Variants in PTX4 observed in about 807,000 individuals in gnomAD.
The protein encoded by PTX4 is pentraxin 4, also known as pentraxin-4.
A neutral mutation model predicts 19.1 loss-of-function variants in PTX4; 23 were observed. The ratio of observed to expected loss-of-function variants is 1.20; its 90% CI spans 0.87 to 1.70. PTX4 has a LOEUF of 1.70. Among genes scored for constraint, PTX4 ranks in the 40% most tolerant of loss-of-function variants. The probability of loss-of-function intolerance (pLI) is 0.00; values close to 1 mark genes in which losing one functional copy is unlikely to be tolerated. For missense variants in PTX4, 678 were observed against 610.5 expected (o/e 1.11, Z -1.17); for synonymous variants, 317 against 279.6 (o/e 1.13, Z -1.33).
At chr16:1,486,777 C>A (rs902311147) in intron 2 of PTX4, among the ~76,000 whole-genome samples, 198 bp from the exon 3 acceptor site, 1 of 152,184 alleles carries the variant, frequency 6.6e-6, no homozygotes, top group African/African-American at 2.4e-5. Flanking sequence ...GTTCCACAGG[C>A]GGGAAGACTG....
At position 1,486,474 on chromosome 16, in the gene PTX4, C is replaced by CT. The variant is rs2039247366; in HGVS notation, c.901dup (p.Ser301LysfsTer22). The CT allele has an allele frequency of 6.2e-7, 1 of 1,613,100 alleles. No individual in the cohort carries two copies. Among genetic ancestry groups the CT allele is most frequent in the African/African-American group, 1.3e-5 (1 of 74,910 alleles). ...GCGGCCGGAGGCCGTGCGGACCCAG[C>CT]TGCAGAAGGACAGGGCTCGCAGGGC... On this transcript the variant is annotated frameshift_variant, in exon 3 of 3. Transcript: ENST00000447419. LOFTEE classifies it low-confidence loss of function (END_TRUNC).
intron 2 of PTX4, 32 bp from the exon 3 acceptor site, chr16:1,486,611 GC>G (rs2039248939): frequency 6.6e-7 from 1 of 1,518,282 alleles, no homozygotes; most frequent in African/African-American, 1.4e-5. Context: ...TCAACCCCTT[GC>G]AGGAGGCCGA....
Position 1,487,705 on chromosome 16 carries a change from C to T in PTX4, c.407G>A (p.Arg136Gln), listed in dbSNP as rs776487931. ...DLTLGERSQQ[R>Q]ARERKAHKAQ... ...CTTGTGTGCCTTCCTTTCCCGGGCC[C>T]GCTGCTGGCTCCTCTCGCCCAGGGT... Residue 136 changes from arginine to glutamine, a missense_variant, in exon 2 of 3, where the codon CGG becomes CAG. Arg to Gln is a conservative substitution (Grantham distance 43). Coordinates refer to ENST00000447419, the MANE Select transcript of PTX4 (RefSeq NM_001328608.2). 180 of 1,611,494 alleles carry T rather than the reference C, an allele frequency of 1.1e-4. 4 individuals carry two copies. The South Asian group carries it at 1.7e-3, about 15-fold the overall frequency.
chr16:1,487,510 G>C lies in PTX4; in HGVS notation c.602C>G (p.Pro201Arg). The change falls in exon 2 of 3, where the codon CCG becomes CGG. Residue 201 changes from proline to arginine, a missense_variant. Transcript: ENST00000447419. The part of the protein sequence containing the change: ...PTPTQPEELG[P>R]TSLKLQRDRQ... The stretch of plus-strand genomic sequence containing the variant: ...GTCCCTCTGAAGCTTCAGGGAGGTC[G>C]GGCCCAGCTCCTCAGGCTGGGTTGG... 6.6e-7 allele frequency: 1 copy of C among 1,510,622 alleles called. No individual in the cohort carries two copies. The highest frequency in any genetic ancestry group is 8.8e-7 in the Non-Finnish European group (1 of 1,130,974). 93.6% of individuals were successfully genotyped at this position (1,510,622 alleles called of 1,614,324 possible).
rs888016150 is a variant in PTX4 at position 1,486,637 on chromosome 16, A to G, written c.797-58T>C. ...CAGGAGGCCGAGCAGAAGCATCCAG[A>G]AGCACACGTGCTGTGGGTGCCTGGC... On this transcript the variant is annotated intron_variant, in intron 2 of 2. Coordinates refer to ENST00000447419, the MANE Select transcript of PTX4 (RefSeq NM_001328608.2). 4.7e-6 allele frequency: 7 copies of G among 1,493,026 alleles called. No individual in the cohort carries two copies. The Admixed American group carries it at 1.7e-4, about 36-fold the overall frequency. 92.5% of individuals were successfully genotyped at this position (1,493,026 alleles called of 1,614,324 possible).
intron 1 of PTX4, 160 bp downstream of exon 1, chr16:1,488,609 C>T (rs1163673406): frequency 2.8e-6 from 2 of 709,078 alleles, no homozygotes; most frequent in Admixed American, 5.2e-5. Flanking sequence ...TCCCTGGTGT[C>T]CAACTGCAGG....
At position 1,486,543 on chromosome 16, in the gene PTX4, G is replaced by A; in HGVS notation, c.833C>T (p.Ala278Val). Reference sequence around the variant, plus strand: ...GAGGAAGACCACGTTCCTGGTGGAGGCGTTTGGGAAAACGAGGGTGGGGCC... The same window carrying A: ...GAGGAAGACCACGTTCCTGGTGGAGACGTTTGGGAAAACGAGGGTGGGGCC... ...GVGPTLVFPN[A>V]STRNVVFLSP... Residue 278 changes from alanine to valine, a missense_variant, in exon 3 of 3, where the codon GCC becomes GTC. Transcript: ENST00000447419. 6.4e-7 allele frequency: 1 copy of A among 1,565,574 alleles called. No homozygotes were observed. Among genetic ancestry groups the A allele is most frequent in the Non-Finnish European group, 8.6e-7 (1 of 1,157,828 alleles).
At chr16:1,488,249 A>C in intron 1 of PTX4, 3 of 1,537,998 alleles carry the variant, frequency 2.0e-6, no homozygotes, top group Non-Finnish European at 2.7e-6. Flanking sequence ...ACCACCGGCA[A>C]GTCACTTTCC....
intron 1 of PTX4, 146 bp from the exon 2 acceptor site, chr16:1,488,116 C>A: frequency 9.6e-7 from 1 of 1,043,576 alleles, no homozygotes; most frequent in South Asian, 1.6e-5. Flanking sequence ...GATTTGATCC[C>A]CACTGCGATG....
chr16:1,486,520 G>A lies in PTX4; in HGVS notation c.856C>T (p.Leu286Phe). Residue 286 changes from leucine (L) to phenylalanine (F), a missense_variant, in exon 3 of 3, where the codon CTC becomes TTC. By Grantham distance (22) the Leu-to-Phe change is conservative. Transcript: ENST00000447419. ...PNASTRNVVF[L>F]SPGFVTALRA... The stretch of plus-strand genomic sequence containing the variant: ...AGGGCAGTGACGAAACCAGGGCTGA[G>A]GAAGACCACGTTCCTGGTGGAGGCG... 1 of 1,590,820 alleles carries A rather than the reference G, an allele frequency of 6.3e-7. No homozygotes were observed. The highest frequency in any genetic ancestry group is 8.5e-7 in the Non-Finnish European group (1 of 1,170,286).
chr16:1,486,922 G>C (rs1441326050), intron 2 of PTX4, among the ~76,000 whole-genome samples: 1 of 152,198 alleles, frequency 6.6e-6, no homozygotes, highest in African/African-American at 2.4e-5. Context: ...CAGGTTTAGT[G>C]TTTCACATTT....
chr16:1,487,326 C>T lies in PTX4; in HGVS notation c.786G>A (p.Val262=), dbSNP rs774947580. Residue 262 remains valine, a synonymous_variant, in exon 2 of 3, where the codon GTG becomes GTA. Transcript: ENST00000447419. ...DPRQQAWSPQ[V]PGEICGVGPT... is the part of the protein sequence containing the mutation. Reference sequence around the variant, plus strand: ...GCCTGTGGTACTTACTCTCTCCTGGCACCTGGGGGGACCATGCCTGCTGCC... The same window carrying T: ...GCCTGTGGTACTTACTCTCTCCTGGTACCTGGGGGGACCATGCCTGCTGCC... The T allele has an allele frequency of 7.1e-6, 11 of 1,547,994 alleles. No individual in the cohort carries two copies. The highest frequency in any genetic ancestry group is 1.4e-5 in the African/African-American group (1 of 71,258).
chr16:1,486,120 G>T lies in PTX4; in HGVS notation c.1256C>A (p.Ala419Asp), dbSNP rs1567283680. The T allele has an allele frequency of 1.2e-6, 2 of 1,614,176 alleles. No homozygotes were observed. Among genetic ancestry groups the T allele is most frequent in the Non-Finnish European group, 1.7e-6 (2 of 1,180,028 alleles). ...CAAGCCAGACATGCTCCCCACGAAG[G>T]CCTCGGAGCTGTCGAATCCGCCCCC... Reference protein sequence around the residue: ...SVGGGFDSSEAFVGSMSGLAI... With the variant: ...SVGGGFDSSEDFVGSMSGLAI... The change falls in exon 3 of 3, where the codon GCC becomes GAC. Residue 419 changes from alanine to aspartate, a missense_variant. Physicochemically the swap from Ala to Asp is moderately radical, Grantham distance 126. Transcript: ENST00000447419.
In PTX4 at chr16:1,487,526, G is replaced by T; in HGVS notation, c.586C>A (p.Pro196Thr). ...GPALVPTPTQPEELGPTSLKL... is the reference protein window; with the variant it reads ...GPALVPTPTQTEELGPTSLKL... ...AGGGAGGTCGGGCCCAGCTCCTCAG[G>T]CTGGGTTGGGGTTGGGACCAGGGCC... is the stretch of plus-strand genomic sequence containing the variant. The change falls in exon 2 of 3, where the codon CCT (proline) becomes ACT (threonine). Residue 196 changes from proline to threonine, a missense_variant. By Grantham distance (38) the Pro-to-Thr change is conservative. Coordinates refer to ENST00000447419, the MANE Select transcript of PTX4 (RefSeq NM_001328608.2). 1 of 1,514,318 alleles carries T rather than the reference G, an allele frequency of 6.6e-7. No individual in the cohort carries two copies. Among genetic ancestry groups the T allele is most frequent in the Non-Finnish European group, 8.8e-7 (1 of 1,132,810 alleles). The allele number at this position is 1,514,318 out of a possible 1,614,324, so 93.8% of individuals were successfully genotyped here. A position where few individuals can be genotyped will look rare whatever the true frequency, so the allele number is the denominator to read the frequency against.
rs1358772180 is a variant in PTX4, at chr16:1,485,961, G to T, written c.1415C>A (p.Thr472Asn). Residue 472 changes from threonine (T) to asparagine (N), a missense_variant, in exon 3 of 3, where the codon ACC (threonine) becomes AAC (asparagine). By Grantham distance (65) the Thr-to-Asn change is moderately conservative (BLOSUM62 0). Transcript: ENST00000447419. The stretch of plus-strand genomic sequence containing the variant: ...GCCTCAGGGACAGCGTTCCAGGCAG[G>T]TGCAGTTGGCCCCCTGCACAAATCC... Reference protein sequence around the residue: ...AGGFVQGANCTCLERCP With the variant: ...AGGFVQGANCNCLERCP The T allele has an allele frequency of 6.2e-7, 1 of 1,608,556 alleles. No homozygotes were observed. Among genetic ancestry groups the T allele is most frequent in the Non-Finnish European group, 8.5e-7 (1 of 1,178,902 alleles).
Position 1,487,359 on chromosome 16 carries a change from T to C in PTX4, c.753A>G (p.Lys251=). The C allele has an allele frequency of 6.4e-7, 1 of 1,557,208 alleles. No individual in the cohort carries two copies. Among genetic ancestry groups the C allele is most frequent in the Non-Finnish European group, 8.6e-7 (1 of 1,157,468 alleles). ...SHRVLSGTAP[K]DPRQQAWSPQ... is the part of the protein sequence containing the mutation. Reference sequence around the variant, plus strand: ...GGGACCATGCCTGCTGCCGAGGGTCTTTTGGGGCAGTCCCACTGAGTACCC... The same window carrying C: ...GGGACCATGCCTGCTGCCGAGGGTCCTTTGGGGCAGTCCCACTGAGTACCC... The change falls in exon 2 of 3, where the codon AAA becomes AAG. Residue 251 remains lysine, a synonymous_variant. Transcript: ENST00000447419.
intron 1 of PTX4, 92 bp from the exon 2 acceptor site, chr16:1,488,062 G>A (rs1397017680): frequency 5.2e-5 from 69 of 1,334,320 alleles, no homozygotes; most frequent in Non-Finnish European, 6.9e-5. Flanking sequence ...TGGGAGCAGC[G>A]GCCGCGTGCC....
chr16:1,488,240 C>A, intron 1 of PTX4: 1 of 1,519,408 alleles, frequency 6.6e-7, no homozygotes, highest in Non-Finnish European at 9.0e-7. Context: ...CACCCCATAA[C>A]CACCGGCAAG....
chr16:1,486,911 G>A (rs1006525014), intron 2 of PTX4, among the ~76,000 whole-genome samples: 2 of 152,188 alleles, frequency 1.3e-5, no homozygotes, highest in African/African-American at 2.4e-5. Context: ...TCACAACAGC[G>A]CAGGTTTAGT....
Sources: gnomAD v4.1 joint callset for allele counts (sites outside exome capture counted in the v4.1 genomes callset) on GRCh38, gnomAD v4.1.1 for gene constraint, MANE v1.5 for transcripts, NCBI Gene and HGNC (gene_info 2026-07-23, HGNC 2026-07-21) for gene names.